The following CHST11 variants were observed in gnomAD, a reference collection of about 807,000 sequenced individuals.
The protein encoded by CHST11 is C4S-1.
A neutral mutation model predicts 30.4 loss-of-function variants in CHST11; 9 were observed. The ratio of observed to expected loss-of-function variants is 0.30; its 90% CI spans 0.18 to 0.52. The LOEUF is 0.52. CHST11 is among the 20% of genes least tolerant of loss of function. CHST11 has a pLI of 0.97. For synonymous variants in CHST11, 152 were observed against 187.8 expected (o/e 0.81, Z 1.56); for missense variants, 348 against 460.6 (o/e 0.76, Z 2.24).
At chr12:104,597,207 G>A (rs1307832601) in intron 1 of CHST11, among the ~76,000 whole-genome samples, 1 of 152,138 alleles carries the variant, frequency 6.6e-6, no homozygotes, top group Non-Finnish European at 1.5e-5. Context: ...AGCGGCTTGA[G>A]TTTAATTTTA....
chr12:104,557,308 G>T (rs1054006035), intron 1 of CHST11, among the ~76,000 whole-genome samples: 1 of 152,214 alleles, frequency 6.6e-6, no homozygotes, highest in African/African-American at 2.4e-5. Context: ...CTCCTTCACC[G>T]CTCATCACCA....
At chr12:104,629,079 C>G (rs2039246705) in intron 2 of CHST11, among the ~76,000 whole-genome samples, 1 of 152,192 alleles carries the variant, frequency 6.6e-6, no homozygotes, top group Non-Finnish European at 1.5e-5. Context: ...TCTAAACGAT[C>G]TAGAGTTGCA....
chr12:104,490,412 C>T (rs889899900), intron 1 of CHST11, among the ~76,000 whole-genome samples: 1 of 152,208 alleles, frequency 6.6e-6, no homozygotes, highest in Non-Finnish European at 1.5e-5. Context: ...TATTACCCAA[C>T]TGCACCAATA....
chr12:104,484,936 C>G (rs550941590), intron 1 of CHST11, among the ~76,000 whole-genome samples: 2 of 152,086 alleles, frequency 1.3e-5, no homozygotes, highest in African/African-American at 2.4e-5. Context: ...AATCATGGCC[C>G]GAATGTCAGG....
chr12:104,698,445 A>G (rs545097803), intron 2 of CHST11, among the ~76,000 whole-genome samples: 136 of 152,310 alleles, frequency 8.9e-4, no homozygotes, highest in Non-Finnish European at 1.4e-3. Context: ...GTGCAGGACT[A>G]TCTTTTTCCT....
intron 1 of CHST11, among the ~76,000 whole-genome samples, chr12:104,516,934 T>C (rs1436372701): frequency 6.6e-6 from 1 of 152,234 alleles, no homozygotes; most frequent in Non-Finnish European, 1.5e-5. Flanking sequence ...ATGTTCCTGT[T>C]TGTTCTTCCT....
At chr12:104,573,161 A>C (rs1048520969) in intron 1 of CHST11, among the ~76,000 whole-genome samples, 4 of 152,252 alleles carry the variant, frequency 2.6e-5, no homozygotes, top group Non-Finnish European at 5.9e-5. Context: ...AAGGATGTGA[A>C]GGACCTCTTC....
At chr12:104,609,656 C>T (rs1311694305) in intron 2 of CHST11, among the ~76,000 whole-genome samples, 1 of 152,138 alleles carries the variant, frequency 6.6e-6, no homozygotes, top group South Asian at 2.1e-4. Flanking sequence ...CCTGTTCAAG[C>T]CTTGGTTATC....
intron 1 of CHST11, among the ~76,000 whole-genome samples, chr12:104,521,673 G>A (rs2038075166): frequency 6.6e-6 from 1 of 152,148 alleles, no homozygotes; most frequent in Non-Finnish European, 1.5e-5. Flanking sequence ...GCTGGATGGA[G>A]GTGTCCTGCG....
chr12:104,757,116 C>T lies in CHST11; in HGVS notation c.372C>T (p.Pro124=), dbSNP rs999743444. ...ACGAGCTCATCTACTGCTACGTGCC[C>T]AAGGTGGCCTGCACCAACTGGAAGC... is the stretch of plus-strand genomic sequence containing the variant. ...EDHELIYCYV[P]KVACTNWKRL... is the part of the protein sequence containing the mutation. Residue 124 remains proline (P), a synonymous_variant, in exon 3 of 3, where the codon CCC becomes CCT. Transcript: ENST00000303694. The surrounding 1 kb of genome is among the most constrained non-coding windows in gnomAD (Gnocchi z 6.5). 6.2e-7 allele frequency: 1 copy of T among 1,614,084 alleles called. No homozygotes were observed. The highest frequency in any genetic ancestry group is 8.5e-7 in the Non-Finnish European group (1 of 1,180,032).
intron 1 of CHST11, among the ~76,000 whole-genome samples, chr12:104,495,134 T>C (rs1462989473): frequency 1.3e-5 from 2 of 152,216 alleles, no homozygotes; most frequent in Admixed American, 6.5e-5. Flanking sequence ...TTCGTCCATG[T>C]TGTAGCATGT....
In CHST11 at chr12:104,672,612, A is replaced by G. The variant is rs1167475206; in HGVS notation, c.204+70621A>G. Among the ~76,000 whole-genome samples, 5 of 152,274 alleles carry G rather than the reference A, an allele frequency of 3.3e-5. No individual in the cohort carries two copies. The East Asian group carries it at 5.8e-4, about 18-fold the overall frequency. ...AGGATGGTTGGCTTCACCACCTCCAAAGGGACCTCGGGAGGAGTAACCTCC... is the reference window on the plus strand; with the variant it reads ...AGGATGGTTGGCTTCACCACCTCCAGAGGGACCTCGGGAGGAGTAACCTCC... On this transcript the variant is annotated intron_variant, in intron 2 of 2. Coordinates refer to ENST00000303694, the MANE Select transcript of CHST11 (RefSeq NM_018413.6).
chr12:104,566,518 A>G (rs1317230543), intron 1 of CHST11, among the ~76,000 whole-genome samples: 1 of 152,204 alleles, frequency 6.6e-6, no homozygotes, highest in Non-Finnish European at 1.5e-5. Context: ...AGGTCCTGGC[A>G]GAGGAGCAAC....
intron 2 of CHST11, among the ~76,000 whole-genome samples, chr12:104,740,588 CAG>C (rs774051432): frequency 5.8e-4 from 88 of 152,308 alleles, no homozygotes; most frequent in Non-Finnish European, 6.6e-4. Context: ...ATCTGAAAAT[CAG>C]AGGGTGGTAT....
chr12:104,749,838 TC>T (rs2040415763), intron 2 of CHST11, among the ~76,000 whole-genome samples: 1 of 152,238 alleles, frequency 6.6e-6, no homozygotes, highest in South Asian at 2.1e-4. Context: ...ATTCCTCTCT[TC>T]CGTCTGGCCT....
intron 1 of CHST11, among the ~76,000 whole-genome samples, chr12:104,528,209 A>G (rs886564517): frequency 6.6e-6 from 1 of 152,188 alleles, no homozygotes; most frequent in Non-Finnish European, 1.5e-5. Context: ...TATACACCAA[A>G]CAAGCATGTG....
chr12:104,544,125 T>TAAAAA (rs60776273), intron 1 of CHST11, among the ~76,000 whole-genome samples: 1 of 97,394 alleles, frequency 1.0e-5, no homozygotes, highest in African/African-American at 4.3e-5. Flanking sequence ...CCCTGTCTGT[T>TAAAAA]AAAAAAAAAA....
chr12:104,669,201 T>G (rs1202332146), intron 2 of CHST11, among the ~76,000 whole-genome samples: 1 of 151,924 alleles, frequency 6.6e-6, no homozygotes, highest in African/African-American at 2.4e-5. Context: ...TTTCCTCCCC[T>G]CCTCACACTC....
At chr12:104,548,171 A>G (rs2038369299) in intron 1 of CHST11, among the ~76,000 whole-genome samples, 1 of 152,246 alleles carries the variant, frequency 6.6e-6, no homozygotes. Flanking sequence ...GCTGTCAAGG[A>G]CAGCCTAACC....
Sources: allele counts gnomAD v4.1 joint callset (sites outside exome capture counted in the v4.1 genomes callset), GRCh38; gene constraint gnomAD v4.1.1; non-coding constraint Gnocchi (gnomAD v3.1); transcripts MANE v1.5; gene names NCBI Gene and HGNC (gene_info 2026-07-23, HGNC 2026-07-21).